The following ABI3BP variants were observed in gnomAD, a reference collection of about 807,000 sequenced individuals.
ABI3BP encodes the protein target of Nesh-SH3.
ABI3BP carries 216 observed loss-of-function variants against 268.6 expected under a neutral mutation model. That is an observed-to-expected ratio of 0.80 (90% confidence interval 0.72 to 0.90). The LOEUF is 0.90. Ranked by LOEUF, ABI3BP falls within the 40% of genes least tolerant of loss-of-function variation. The pLI is 0.00. For synonymous variants in ABI3BP, 730 were observed against 730.0 expected (o/e 1.00, Z 0.00); for missense variants, 2,090 against 2,182.4 (o/e 0.96, Z 0.84).
chr3:100,750,694 C>G (rs1439930528), intron 67 of ABI3BP, 84 bp from the exon 68 acceptor site: 1 of 909,320 alleles, frequency 1.1e-6, no homozygotes, highest in African/African-American at 1.7e-5. Flanking sequence ...ATGTCGTTGA[C>G]TAGCTGAAGG....
intron 37 of ABI3BP, 147 bp from the exon 38 acceptor site, chr3:100,822,819 T>A: frequency 1.7e-6 from 1 of 597,956 alleles, no homozygotes; most frequent in Non-Finnish European, 2.9e-6. Flanking sequence ...TCCTTATAGA[T>A]CTTTTATCAT....
intron 49 of ABI3BP, among the ~76,000 whole-genome samples, chr3:100,809,730 T>C (rs56051216): frequency 6.6e-6 from 1 of 152,010 alleles, no homozygotes; most frequent in Non-Finnish European, 1.5e-5. Context: ...TTGGGCTTAT[T>C]TATAACCTTC....
intron 1 of ABI3BP, among the ~76,000 whole-genome samples, chr3:100,950,954 T>G (rs1340093315): frequency 6.6e-6 from 1 of 151,932 alleles, no homozygotes; most frequent in African/African-American, 2.4e-5. Context: ...CAACTGAGGA[T>G]AGGATGCGCC....
Position 100,760,394 on chromosome 3 carries a change from C to T in ABI3BP, c.4850+5447G>A, listed in dbSNP as rs183755859. On this transcript the variant is annotated intron_variant, in intron 63 of 67. Transcript: ENST00000471714. ...GTGATTGTGTGTGTTCATCCATTTG[C>T]CCAGCCAGTTCATTAGGAAGAACTC... Among the ~76,000 whole-genome samples, 14 of 152,224 alleles carry T rather than the reference C, an allele frequency of 9.2e-5. No individual in the cohort carries two copies. The East Asian group carries it at 2.5e-3, about 27-fold the overall frequency.
Position 100,750,513 on chromosome 3 carries a change from T to G in ABI3BP, c.5343A>C (p.Thr1781=). 1 of 1,612,428 alleles carries G rather than the reference T, an allele frequency of 6.2e-7. No individual in the cohort carries two copies. The highest frequency in any genetic ancestry group is 8.5e-7 in the Non-Finnish European group (1 of 1,179,002). The change falls in exon 68 of 68, where the codon ACA becomes ACC. Residue 1781 remains threonine, a synonymous_variant. Transcript: ENST00000471714. ...NYVQWYECGT[T]IPGKW ...GCAGCATCTACCATTTTCCAGGAATTGTAGTCCCACATTCATACCACTGAA... is the reference window on the plus strand; with the variant it reads ...GCAGCATCTACCATTTTCCAGGAATGGTAGTCCCACATTCATACCACTGAA...
intron 6 of ABI3BP, among the ~76,000 whole-genome samples, chr3:100,880,731 C>T (rs2099219888): frequency 6.6e-6 from 1 of 152,180 alleles, no homozygotes; most frequent in African/African-American, 2.4e-5. Context: ...TACCACCACA[C>T]ATGACAAGGA....
At chr3:100,774,285 T>C (rs1268447764) in intron 61 of ABI3BP, among the ~76,000 whole-genome samples, 1 of 152,132 alleles carries the variant, frequency 6.6e-6, no homozygotes, top group Non-Finnish European at 1.5e-5. Context: ...CCTTTCTTGA[T>C]TTTGCATTAT....
chr3:100,823,872 C>A (rs984853997), intron 36 of ABI3BP, among the ~76,000 whole-genome samples: 2 of 152,150 alleles, frequency 1.3e-5, no homozygotes, highest in African/African-American at 4.8e-5. Context: ...TTACTCTGTA[C>A]TTCTGAATAT....
At chr3:100,946,969 T>C (rs1016817727) in intron 1 of ABI3BP, among the ~76,000 whole-genome samples, 1 of 152,166 alleles carries the variant, frequency 6.6e-6, no homozygotes, top group African/African-American at 2.4e-5. Context: ...GTACTTAAAA[T>C]TAAAATGAAA....
At chr3:100,854,977 A>G (rs2098923798) in intron 14 of ABI3BP, among the ~76,000 whole-genome samples, 1 of 151,710 alleles carries the variant, frequency 6.6e-6, no homozygotes, top group African/African-American at 2.4e-5. Flanking sequence ...CCCAGACTGG[A>G]GTGAAATGGC....
At chr3:100,876,446 T>C in intron 7 of ABI3BP, 66 bp downstream of exon 7, 1 of 1,385,090 alleles carries the variant, frequency 7.2e-7, no homozygotes, top group Non-Finnish European at 1.0e-6. Context: ...TGTGCCGTGT[T>C]TGATTACCTT....
intron 59 of ABI3BP, among the ~76,000 whole-genome samples, chr3:100,776,604 C>A (rs552865170): frequency 7.5e-4 from 114 of 152,282 alleles, no homozygotes; most frequent in African/African-American, 2.6e-3. Flanking sequence ...ATTCAAGATA[C>A]ACTTTCTGTG....
intron 4 of ABI3BP, among the ~76,000 whole-genome samples, chr3:100,891,019 T>C (rs1467799489): frequency 2.0e-5 from 3 of 152,018 alleles, no homozygotes; most frequent in Non-Finnish European, 2.9e-5. Context: ...AAAATCCACT[T>C]TTATTTGGTA....
intron 1 of ABI3BP, among the ~76,000 whole-genome samples, chr3:100,966,618 AAT>A (rs1016286006): frequency 4.6e-4 from 70 of 152,236 alleles, no homozygotes; most frequent in African/African-American, 1.6e-3. Context: ...TGGTTTGTAA[AAT>A]ATAGTTTCTT....
rs1003546824 is a variant in ABI3BP, at chr3:100,811,245, G to A, written c.3526C>T (p.Pro1176Ser). Residue 1176 changes from proline to serine, a missense_variant, in exon 48 of 68, where the codon CCT becomes TCT. Coordinates refer to ENST00000471714, the MANE Select transcript of ABI3BP (RefSeq NM_001375547.2). ...AGGTTATTACCTAGTGTGGTCTCAGGTGGTTCAGATACATATGTAATAGAT... is the reference window on the plus strand; with the variant it reads ...AGGTTATTACCTAGTGTGGTCTCAGATGGTTCAGATACATATGTAATAGAT... ...VESITYVSEP[P>S]ETTLETSPLP... The A allele has an allele frequency of 2.2e-5, 33 of 1,534,556 alleles. No homozygotes were observed. Among genetic ancestry groups the A allele is most frequent in the African/African-American group, 1.9e-4 (14 of 73,046 alleles).
At position 100,869,330 on chromosome 3, in the gene ABI3BP, G is replaced by GTTTTTTTTTTTTTTTT. The variant is rs144604645; in HGVS notation, c.911-2390_911-2375dup. Among the ~76,000 whole-genome samples, 363 of 49,740 alleles carry GTTTTTTTTTTTTTTTT rather than the reference G, an allele frequency of 7.3e-3. 56 individuals are homozygous for GTTTTTTTTTTTTTTTT. The highest frequency in any genetic ancestry group is 9.3e-3 in the East Asian group (12 of 1,294). 32.6% of individuals were successfully genotyped at this position (49,740 alleles called of 152,430 possible). ...ATATTGTTTTTTCTTCTTCTTTTTG[G>GTTTTTTTTTTTTTTTT]TTTTTTTTTTTTTTTTTTTTTTTTT... On this transcript the variant is annotated intron_variant, in intron 9 of 67. Transcript: ENST00000471714.
intron 4 of ABI3BP, among the ~76,000 whole-genome samples, chr3:100,893,366 A>G (rs1221681513): frequency 6.6e-6 from 1 of 151,756 alleles, no homozygotes; most frequent in Non-Finnish European, 1.5e-5. Flanking sequence ...GTGAGTCAAT[A>G]CTCCTTAACA....
Position 100,811,666 on chromosome 3 carries a change from G to A in ABI3BP, c.3493+62C>T. 1.2e-5 allele frequency: 17 copies of A among 1,458,246 alleles called. 1 individual carries two copies. The South Asian group carries it at 2.1e-4, about 18-fold the overall frequency. The allele number at this position is 1,458,246 out of a possible 1,614,324, so 90.3% of individuals were successfully genotyped here. On this transcript the variant is annotated intron_variant, in intron 47 of 67. Transcript: ENST00000471714. ...GCTTGAACTTTCATATTCCGTGGAT[G>A]TAACTGATGTTAATTTAAAATGTGT...
intron 63 of ABI3BP, among the ~76,000 whole-genome samples, chr3:100,760,816 A>G (rs945396385): frequency 2.0e-5 from 3 of 152,146 alleles, no homozygotes; most frequent in African/African-American, 7.2e-5. Context: ...GTTTAACAAG[A>G]GGCATACATT....
Sources: allele counts gnomAD v4.1 joint callset (sites outside exome capture counted in the v4.1 genomes callset), GRCh38; gene constraint gnomAD v4.1.1; transcripts MANE v1.5; gene names NCBI Gene and HGNC (gene_info 2026-07-23, HGNC 2026-07-21).